Variants in CACNA1I observed in about 807,000 individuals in gnomAD.
CACNA1I encodes voltage-dependent T-type calcium channel subunit alpha-1I.
A neutral mutation model predicts 201.6 loss-of-function variants in CACNA1I; 74 were observed. That is an observed-to-expected ratio of 0.37 (90% CI 0.30 to 0.45). The LOEUF is 0.45. Ranked by LOEUF, CACNA1I falls within the 20% of genes least tolerant of loss-of-function variation. The pLI is 1.00. For synonymous variants in CACNA1I, 1,431 were observed against 1,345.2 expected (o/e 1.06, Z -1.40); for missense variants, 2,346 against 3,138.1 (o/e 0.75, Z 6.03).
In CACNA1I at chr22:39,647,918, C is replaced by G. The variant is rs200062848; in HGVS notation, c.1559C>G (p.Ser520Trp). Reference sequence around the variant, plus strand: ...CCTGCCTCCCCTGGAAATGATCACTCGGGAAGAGGCAAGCCAGGGCCACGG... The same window carrying G: ...CCTGCCTCCCCTGGAAATGATCACTGGGGAAGAGGCAAGCCAGGGCCACGG... ...HGPASPGNDH[S>W]GRELCPQHSP... The change falls in exon 9 of 37, where the codon TCG becomes TGG. Residue 520 changes from serine to tryptophan, a missense_variant. This residue lies in a region of CACNA1I where 312 missense variants were observed against 331.5 expected (regional missense o/e 0.94). Coordinates refer to ENST00000402142, the MANE Select transcript of CACNA1I (RefSeq NM_021096.4). 15 of 1,613,132 alleles carry G rather than the reference C, an allele frequency of 9.3e-6. No individual in the cohort carries two copies. In the South Asian group the frequency reaches 1.5e-4, roughly 17 times the overall value.
At chr22:39,590,572 C>G (rs1438944214) in intron 1 of CACNA1I, among the ~76,000 whole-genome samples, 2 of 152,218 alleles carry the variant, frequency 1.3e-5, no homozygotes, top group African/African-American at 4.8e-5. Context: ...TTCCATTAAA[C>G]CCATCTCAGT....
chr22:39,668,569 G>A (rs148437513), intron 24 of CACNA1I, among the ~76,000 whole-genome samples, 188 bp downstream of exon 24: 15 of 152,260 alleles, frequency 9.9e-5, no homozygotes, highest in African/African-American at 2.2e-4. Context: ...CTCGGGTAGC[G>A]TAAGTCGTCG....
At chr22:39,668,004 T>G (rs1008103748) in intron 23 of CACNA1I, among the ~76,000 whole-genome samples, 2 of 152,152 alleles carry the variant, frequency 1.3e-5, no homozygotes, top group African/African-American at 4.8e-5. Flanking sequence ...CATGAATTTT[T>G]TTTTGCCCAA....
intron 1 of CACNA1I, among the ~76,000 whole-genome samples, chr22:39,582,095 T>C (rs1247143355): frequency 6.6e-6 from 1 of 152,194 alleles, no homozygotes; most frequent in Admixed American, 6.5e-5. Flanking sequence ...TGCTGAGGAC[T>C]ATACCTGGCT....
chr22:39,601,932 G>GCCTT (rs777474758), intron 3 of CACNA1I, among the ~76,000 whole-genome samples: 4 of 15,496 alleles, frequency 2.6e-4, no homozygotes, highest in Admixed American at 1.1e-3. Context: ...CTTCCTTCCT[G>GCCTT]CCTTCCTTCC....
chr22:39,682,737 T>C (rs1935743623), intron 35 of CACNA1I, 76 bp downstream of exon 35: 6 of 1,310,858 alleles, frequency 4.6e-6, no homozygotes, highest in Non-Finnish European at 6.3e-6. Flanking sequence ...TGGCTGAGTT[T>C]TTTCCTTAGT....
chr22:39,671,532 C>T lies in CACNA1I; in HGVS notation c.4539+578C>T, dbSNP rs566285976. The stretch of plus-strand genomic sequence containing the variant: ...AAACACTGGGGGTGGGTGAGGATGA[C>T]CATTTCCCAGCTTGTTGCAGACCAG... On this transcript the variant is annotated intron_variant, in intron 26 of 36. Transcript: ENST00000402142. 1.5e-4 allele frequency among the ~76,000 whole-genome samples: 23 copies of T among 152,106 alleles called. 1 individual carries two copies. Among genetic ancestry groups the T allele is most frequent in the Non-Finnish European group, 2.6e-4 (18 of 68,038 alleles).
At chr22:39,599,182 T>C (rs1236107038) in intron 2 of CACNA1I, among the ~76,000 whole-genome samples, 3 of 147,780 alleles carry the variant, frequency 2.0e-5, no homozygotes, top group Non-Finnish European at 4.5e-5. Flanking sequence ...TCTCCTGACC[T>C]CGTGATCTGC....
In CACNA1I at chr22:39,665,913, C is replaced by G. The variant is rs778282036; in HGVS notation, c.4011C>G (p.Gly1337=). 4.3e-6 allele frequency: 7 copies of G among 1,613,752 alleles called. No homozygotes were observed. Among genetic ancestry groups the G allele is most frequent in the Non-Finnish European group, 5.9e-6 (7 of 1,179,882 alleles). The change falls in exon 23 of 37, where the codon GGC becomes GGG. Residue 1337 remains glycine (G), a synonymous_variant. Coordinates refer to ENST00000402142, the MANE Select transcript of CACNA1I (RefSeq NM_021096.4). The surrounding 1 kb of genome is among the most constrained non-coding windows in gnomAD (Gnocchi z 5.5). ...AGGGCAAGTTCTACCACTGTCTGGG[C>G]GTGGACACCCGCAACATCACCAACC... is the stretch of plus-strand genomic sequence containing the variant. ...LFKGKFYHCL[G]VDTRNITNRS...
chr22:39,676,955 C>A lies in CACNA1I; in HGVS notation c.4855-386C>A, dbSNP rs928043891. 6.6e-6 allele frequency among the ~76,000 whole-genome samples: 1 copy of A among 152,212 alleles called. No individual in the cohort carries two copies. Among genetic ancestry groups the A allele is most frequent in the African/African-American group, 2.4e-5 (1 of 41,440 alleles). On this transcript the variant is annotated intron_variant, in intron 29 of 36. Coordinates refer to ENST00000402142, the MANE Select transcript of CACNA1I (RefSeq NM_021096.4). This position sits in a 1 kb window ranked among gnomAD's most constrained non-coding sequence, Gnocchi z 4.8. ...CAGCCTGCTGGGTTTGGACCCTTGT[C>A]CTACCAGTTACTAGCTGTGCGACTC...
At chr22:39,635,141 C>T (rs778456146) in intron 5 of CACNA1I, among the ~76,000 whole-genome samples, 10 of 152,140 alleles carry the variant, frequency 6.6e-5, no homozygotes, top group African/African-American at 1.2e-4. Flanking sequence ...CCCGTGCTTC[C>T]GTAGTGGTGG....
chr22:39,667,327 G>T (rs1935228329), intron 23 of CACNA1I, among the ~76,000 whole-genome samples: 1 of 152,238 alleles, frequency 6.6e-6, no homozygotes, highest in African/African-American at 2.4e-5. Context: ...TGCTCTGGAT[G>T]GTGGGAAGGA....
At chr22:39,670,540 C>G (rs1372119948) in intron 25 of CACNA1I, among the ~76,000 whole-genome samples, 2 of 152,192 alleles carry the variant, frequency 1.3e-5, no homozygotes, top group South Asian at 2.1e-4. Flanking sequence ...AGCAGGCAGG[C>G]CCAGAGCTCC....
chr22:39,592,874 C>G (rs943524335), intron 1 of CACNA1I, among the ~76,000 whole-genome samples: 1 of 152,202 alleles, frequency 6.6e-6, no homozygotes, highest in Non-Finnish European at 1.5e-5. Flanking sequence ...CACCCTCCTA[C>G]CCCACACTGC....
At chr22:39,589,314 A>G (rs1392936998) in intron 1 of CACNA1I, among the ~76,000 whole-genome samples, 1 of 152,160 alleles carries the variant, frequency 6.6e-6, no homozygotes, top group Non-Finnish European at 1.5e-5. Flanking sequence ...TCTCCTGGGT[A>G]TGCACCCAGG....
intron 10 of CACNA1I, among the ~76,000 whole-genome samples, chr22:39,653,966 T>G (rs1399258628): frequency 6.6e-6 from 1 of 152,164 alleles, no homozygotes; most frequent in Non-Finnish European, 1.5e-5. Context: ...TAGCCCAGGC[T>G]GTGTGACGGG....
Position 39,634,737 on chromosome 22 carries a change from C to A in CACNA1I, c.740+13C>A. ...AGAACTTCACCATGTGAGTTCATCC[C>A]CTGCCACCCATGCAGCTCCGGGGAC... On this transcript the variant is annotated intron_variant, in intron 5 of 36. Transcript: ENST00000402142. The A allele has an allele frequency of 6.2e-7, 1 of 1,610,076 alleles. No individual in the cohort carries two copies. The highest frequency in any genetic ancestry group is 8.5e-7 in the Non-Finnish European group (1 of 1,177,136).
At chr22:39,626,958 C>T (rs1415055031) in intron 4 of CACNA1I, among the ~76,000 whole-genome samples, 2 of 152,240 alleles carry the variant, frequency 1.3e-5, no homozygotes, top group South Asian at 2.1e-4. Flanking sequence ...GTGACACCTA[C>T]TTTCTAGATG....
intron 18 of CACNA1I, 92 bp from the exon 19 acceptor site, chr22:39,663,626 G>A (rs1279580978): frequency 2.4e-5 from 36 of 1,486,172 alleles, no homozygotes; most frequent in South Asian, 6.2e-5. Flanking sequence ...CGAGGCCAGC[G>A]TGGTCTGCAC....
Sources: gnomAD v4.1 joint callset for allele counts (sites outside exome capture counted in the v4.1 genomes callset) on GRCh38, gnomAD v4.1.1 for gene constraint, gnomAD v4.1.1 regional missense constraint, Gnocchi (gnomAD v3.1) non-coding constraint, MANE v1.5 for transcripts, NCBI Gene and HGNC (gene_info 2026-07-23, HGNC 2026-07-21) for gene names.